The following UVRAG variants were observed in gnomAD, a reference collection of about 807,000 sequenced individuals.
UVRAG encodes the protein UV radiation resistance associated, also known as UV radiation resistance-associated gene protein.
UVRAG carries 19 observed loss-of-function variants against 78.0 expected under a neutral mutation model. The ratio of observed to expected loss-of-function variants is 0.24; its 90% CI spans 0.17 to 0.36. UVRAG has a LOEUF of 0.36. UVRAG is among the 10% of genes least tolerant of loss of function. The pLI, the probability that UVRAG is intolerant of heterozygous loss-of-function variation, is 1.00. For missense variants in UVRAG, 740 were observed against 853.8 expected (o/e 0.87, Z 1.66); for synonymous variants, 323 against 324.6 (o/e 1.00, Z 0.05).
At chr11:76,056,910 G>C (rs1189040454) in intron 12 of UVRAG, among the ~76,000 whole-genome samples, 1 of 152,210 alleles carries the variant, frequency 6.6e-6, no homozygotes, top group Non-Finnish European at 1.5e-5. Context: ...GGGTGATTCT[G>C]ATCAAAGGCT....
chr11:76,000,788 T>C (rs1317495965), intron 8 of UVRAG, among the ~76,000 whole-genome samples: 1 of 152,208 alleles, frequency 6.6e-6, no homozygotes, highest in East Asian at 1.9e-4. Context: ...ATATTACATT[T>C]TGGTGAAGAG....
At chr11:75,819,373 G>A (rs1945337697) in intron 1 of UVRAG, among the ~76,000 whole-genome samples, 1 of 151,878 alleles carries the variant, frequency 6.6e-6, no homozygotes, top group South Asian at 2.1e-4. Context: ...TTTTGAGACA[G>A]TTTTACTCTG....
At chr11:76,030,330 G>A (rs1041687007) in intron 12 of UVRAG, among the ~76,000 whole-genome samples, 1 of 152,000 alleles carries the variant, frequency 6.6e-6, no homozygotes, top group Non-Finnish European at 1.5e-5. Flanking sequence ...ACAACACCCG[G>A]CCAAGATACT....
At chr11:76,017,300 TCAA>T (rs1441840279) in intron 12 of UVRAG, among the ~76,000 whole-genome samples, 4 of 152,170 alleles carry the variant, frequency 2.6e-5, no homozygotes, top group Non-Finnish European at 4.4e-5. Flanking sequence ...TGCCTGCCAC[TCAA>T]CAAGTAAAAT....
rs536515674 is a variant in UVRAG, at chr11:75,892,993, C to T, written c.507+4090C>T. On this transcript the variant is annotated intron_variant, in intron 5 of 14. Coordinates refer to ENST00000356136, the MANE Select transcript of UVRAG (RefSeq NM_003369.4). The stretch of plus-strand genomic sequence containing the variant: ...AGGCATTCAAGACCAGCCTAGCCAA[C>T]GTGGCGAAACCCCATCTCTACTAAA... Among the ~76,000 whole-genome samples, 12 of 152,132 alleles carry T rather than the reference C, an allele frequency of 7.9e-5. No individual in the cohort carries two copies. The South Asian group carries it at 1.0e-3, about 13-fold the overall frequency.
chr11:75,935,625 T>A (rs1948357190), intron 6 of UVRAG, among the ~76,000 whole-genome samples: 1 of 152,184 alleles, frequency 6.6e-6, no homozygotes, highest in Non-Finnish European at 1.5e-5. Context: ...CTCCCTGCCT[T>A]TATTTCTTGA....
intron 6 of UVRAG, among the ~76,000 whole-genome samples, chr11:75,923,811 T>C (rs531689937): frequency 9.3e-4 from 141 of 152,322 alleles, no homozygotes; most frequent in Non-Finnish European, 1.6e-3. Context: ...ATAATGCACA[T>C]AGTTTTATTT....
intron 6 of UVRAG, among the ~76,000 whole-genome samples, chr11:75,922,942 A>G (rs1948008204): frequency 6.7e-6 from 1 of 148,846 alleles, no homozygotes; most frequent in Non-Finnish European, 1.5e-5. Flanking sequence ...TGAAAGGAAA[A>G]AAAAAAAAAG....
chr11:75,997,171 G>T (rs533972140), intron 8 of UVRAG, among the ~76,000 whole-genome samples: 24 of 152,354 alleles, frequency 1.6e-4, no homozygotes, highest in African/African-American at 5.8e-4. Flanking sequence ...TGCAGGGAAG[G>T]AAGCTAAAGT....
chr11:76,021,299 A>G (rs1183408012), intron 12 of UVRAG, among the ~76,000 whole-genome samples: 1 of 152,236 alleles, frequency 6.6e-6, no homozygotes, highest in Admixed American at 6.5e-5. Flanking sequence ...GCATCTATTC[A>G]GCCATCTTGC....
At chr11:75,861,807 A>G in intron 3 of UVRAG, 27 bp downstream of exon 3, 1 of 1,583,126 alleles carries the variant, frequency 6.3e-7, no homozygotes, top group Non-Finnish European at 8.7e-7. Flanking sequence ...ACGGGTACAT[A>G]TGACTAAGTA....
chr11:75,966,489 T>C (rs1274733260), intron 7 of UVRAG, among the ~76,000 whole-genome samples: 1 of 152,252 alleles, frequency 6.6e-6, no homozygotes, highest in Admixed American at 6.5e-5. Flanking sequence ...TCTCTGCTGA[T>C]ATTTCATATC....
intron 14 of UVRAG, among the ~76,000 whole-genome samples, chr11:76,130,481 A>G (rs909954308): frequency 6.6e-6 from 1 of 152,148 alleles, no homozygotes; most frequent in Non-Finnish European, 1.5e-5. Context: ...CTCCTTTAGG[A>G]GTATAGGGGA....
intron 3 of UVRAG, among the ~76,000 whole-genome samples, chr11:75,862,310 G>GT (rs1946439137): frequency 6.6e-6 from 1 of 152,108 alleles, no homozygotes; most frequent in Non-Finnish European, 1.5e-5. Flanking sequence ...ACTCCTACTT[G>GT]TTTCTTGGCA....
At chr11:76,007,426 C>CG in intron 9 of UVRAG, 108 bp from the exon 10 acceptor site, 1 of 821,124 alleles carries the variant, frequency 1.2e-6, no homozygotes, top group Admixed American at 2.7e-5. Context: ...TTTCTGTGGC[C>CG]TATTACAGAC....
chr11:75,845,927 A>C (rs1465712391), intron 1 of UVRAG, among the ~76,000 whole-genome samples: 1 of 152,342 alleles, frequency 6.6e-6, no homozygotes, highest in Admixed American at 6.5e-5. Flanking sequence ...AGAAAACTGC[A>C]TAGAATGTTA....
intron 2 of UVRAG, among the ~76,000 whole-genome samples, chr11:75,854,517 A>C (rs971324404): frequency 6.6e-6 from 1 of 151,946 alleles, no homozygotes; most frequent in Non-Finnish European, 1.5e-5. Flanking sequence ...CCCACGTTCA[A>C]GCGATTCTCC....
chr11:75,985,696 T>C (rs1383155076), intron 8 of UVRAG, among the ~76,000 whole-genome samples: 1 of 152,202 alleles, frequency 6.6e-6, no homozygotes, highest in Admixed American at 6.5e-5. Context: ...CATCTGGAAT[T>C]ACTTTTTGTA....
intron 4 of UVRAG, among the ~76,000 whole-genome samples, chr11:75,883,167 C>T (rs531119436): frequency 5.3e-5 from 8 of 152,114 alleles, no homozygotes; most frequent in East Asian, 3.9e-4. Context: ...TGCTTCTTAA[C>T]GTTCTGGTTG....
Sources: gnomAD v4.1 joint callset for allele counts (sites outside exome capture counted in the v4.1 genomes callset) on GRCh38, gnomAD v4.1.1 for gene constraint, MANE v1.5 for transcripts, NCBI Gene and HGNC (gene_info 2026-07-23, HGNC 2026-07-21) for gene names.